NKAIN2: variants seen among roughly 807,000 people sequenced by gnomAD.
NKAIN2 encodes the protein sodium/potassium transporting ATPase interacting 2, also known as sodium/potassium-transporting ATPase subunit beta-1-interacting protein 2.
A neutral mutation model predicts 32.6 loss-of-function variants in NKAIN2; 14 were observed. That is an observed-to-expected ratio of 0.43 (90% CI 0.28 to 0.67). The LOEUF is 0.67. NKAIN2 is among the 30% of genes least tolerant of loss of function. NKAIN2 has a pLI of 0.17. For missense variants in NKAIN2, 198 were observed against 258.3 expected, an observed-to-expected ratio of 0.77 and a Z score of 1.60; for synonymous variants, 80 against 87.2, an observed-to-expected ratio of 0.92 and a Z score of 0.46.
At chr6:123,921,358 A>G (rs968842636) in intron 1 of NKAIN2, among the ~76,000 whole-genome samples, 1 of 152,184 alleles carries the variant, frequency 6.6e-6, no homozygotes. Context: ...AAATTCTGTG[A>G]TTCTGGAATA....
intron 2 of NKAIN2, among the ~76,000 whole-genome samples, chr6:124,354,942 C>T (rs112919863): frequency 0.019 from 2,838 of 150,594 alleles, 94 homozygotes; most frequent in African/African-American, 0.066. Context: ...TGGTGGTGCG[C>T]ACCTGTAGTC....
chr6:123,857,133 A>G (rs1775584763), intron 1 of NKAIN2, among the ~76,000 whole-genome samples: 1 of 152,166 alleles, frequency 6.6e-6, no homozygotes, highest in Admixed American at 6.6e-5. Flanking sequence ...CTCTGTCCAG[A>G]AAAATGCCTG....
intron 4 of NKAIN2, among the ~76,000 whole-genome samples, chr6:124,732,292 A>G (rs1270269780): frequency 6.6e-6 from 1 of 152,074 alleles, no homozygotes; most frequent in African/African-American, 2.4e-5. Context: ...ATTTGGTGCC[A>G]TAGAGAAGAG....
At chr6:124,651,906 C>T (rs1485981846) in intron 3 of NKAIN2, among the ~76,000 whole-genome samples, 1 of 152,150 alleles carries the variant, frequency 6.6e-6, no homozygotes, top group African/African-American at 2.4e-5. Flanking sequence ...TGGCCATACC[C>T]TTGGATTTCT....
intron 1 of NKAIN2, among the ~76,000 whole-genome samples, chr6:123,822,677 G>C (rs1472412388): frequency 6.6e-6 from 1 of 152,160 alleles, no homozygotes; most frequent in Non-Finnish European, 1.5e-5. Context: ...TGAAAGGATA[G>C]AGTTGGGTAA....
chr6:124,121,991 A>G (rs1374113794), intron 1 of NKAIN2: 4 of 576,318 alleles, frequency 6.9e-6, no homozygotes, highest in Non-Finnish European at 1.1e-5. Flanking sequence ...AGGGTAATAT[A>G]TATTTGAAGA....
intron 1 of NKAIN2, among the ~76,000 whole-genome samples, chr6:123,991,338 G>A (rs1436107177): frequency 6.6e-6 from 1 of 152,140 alleles, no homozygotes; most frequent in African/African-American, 2.4e-5. Context: ...TCATGGGCAG[G>A]CATGAGATGG....
chr6:123,855,348 C>T (rs1349625253), intron 1 of NKAIN2, among the ~76,000 whole-genome samples: 3 of 152,196 alleles, frequency 2.0e-5, no homozygotes, highest in South Asian at 4.1e-4. Context: ...CCGGGTGGCA[C>T]ATAAAAAAAT....
At chr6:124,695,491 G>A (rs1390231054) in intron 4 of NKAIN2, among the ~76,000 whole-genome samples, 1 of 152,190 alleles carries the variant, frequency 6.6e-6, no homozygotes. Context: ...GATTCTGAGA[G>A]CTTTATGAAG....
intron 1 of NKAIN2, among the ~76,000 whole-genome samples, chr6:123,970,447 C>T (rs958087489): frequency 1.3e-5 from 2 of 152,100 alleles, no homozygotes; most frequent in African/African-American, 2.4e-5. Flanking sequence ...TAATTTACCA[C>T]GGGAAATAGT....
chr6:123,915,089 T>C (rs1000206996), intron 1 of NKAIN2, among the ~76,000 whole-genome samples: 1 of 152,186 alleles, frequency 6.6e-6, no homozygotes, highest in African/African-American at 2.4e-5. Context: ...CGAAGAGGTG[T>C]CCAGCTCAGG....
rs1343797965 is a variant in NKAIN2 at position 124,335,136 on chromosome 6, T to A, written c.193-20131T>A. On this transcript the variant is annotated intron_variant, in intron 2 of 6. Transcript: ENST00000368417. ...CACTTGTGTAGGCAGAAAAAAAATA[T>A]GCACCCAGTAAAAATTTAGATAGAA... is the stretch of plus-strand genomic sequence containing the variant. Among the ~76,000 whole-genome samples the A allele has an allele frequency of 2.0e-5, 3 of 152,206 alleles. No homozygotes were observed. In the East Asian group the frequency reaches 5.8e-4, roughly 29 times the overall value.
chr6:124,103,319 G>C (rs1165774915), intron 1 of NKAIN2, among the ~76,000 whole-genome samples: 1 of 152,068 alleles, frequency 6.6e-6, no homozygotes, highest in African/African-American at 2.4e-5. Context: ...TATTATCAAC[G>C]TGGGGATTTA....
At chr6:124,192,905 G>A (rs772675586) in intron 1 of NKAIN2, among the ~76,000 whole-genome samples, 8 of 151,642 alleles carry the variant, frequency 5.3e-5, no homozygotes, top group African/African-American at 1.5e-4. Context: ...GCCCGCCACC[G>A]CGCGCAGCTA....
At chr6:123,840,582 C>T (rs1774828946) in intron 1 of NKAIN2, among the ~76,000 whole-genome samples, 1 of 151,980 alleles carries the variant, frequency 6.6e-6, no homozygotes, top group East Asian at 1.9e-4. Flanking sequence ...GTAGGTATTG[C>T]AATTCTGAAA....
chr6:124,762,845 G>T (rs1289848848), intron 4 of NKAIN2, among the ~76,000 whole-genome samples: 1 of 152,080 alleles, frequency 6.6e-6, no homozygotes, highest in East Asian at 1.9e-4. Context: ...GGTGCCCCTG[G>T]GTAAGAAGAA....
chr6:124,497,247 ATC>A (rs1175732891), intron 3 of NKAIN2, among the ~76,000 whole-genome samples: 4 of 152,142 alleles, frequency 2.6e-5, no homozygotes, highest in Non-Finnish European at 5.9e-5. Flanking sequence ...TAAACATTTT[ATC>A]TATATTCATG....
intron 1 of NKAIN2, among the ~76,000 whole-genome samples, chr6:123,970,143 A>G (rs112854957): frequency 1.1e-3 from 160 of 152,150 alleles, no homozygotes; most frequent in African/African-American, 3.7e-3. Context: ...ATGTTTAAAA[A>G]CATAAACTGG....
intron 1 of NKAIN2, among the ~76,000 whole-genome samples, chr6:124,103,615 GA>G (rs1364661975): frequency 6.6e-6 from 1 of 152,108 alleles, no homozygotes; most frequent in African/African-American, 2.4e-5. Flanking sequence ...ATTACTAAAT[GA>G]AATAATCTTA....
Sources: allele counts gnomAD v4.1 joint callset (sites outside exome capture counted in the v4.1 genomes callset), GRCh38; gene constraint gnomAD v4.1.1; transcripts MANE v1.5; gene names NCBI Gene and HGNC (gene_info 2026-07-23, HGNC 2026-07-21).